The following SAE1 variants were observed in gnomAD, a reference collection of about 807,000 sequenced individuals.
SAE1 encodes SUMO1 activating enzyme subunit 1.
Under a neutral mutation model 40.6 loss-of-function variants are expected in SAE1, and 11 were observed. The ratio of observed to expected loss-of-function variants is 0.27; its 90% CI spans 0.17 to 0.45. The LOEUF is 0.45. Ranked by LOEUF, SAE1 falls within the 20% of genes least tolerant of loss-of-function variation. The pLI is 1.00. For synonymous variants in SAE1, 155 were observed against 154.3 expected (o/e 1.00, Z -0.03); for missense variants, 373 against 427.3 (o/e 0.87, Z 1.12).
In SAE1 at chr19:47,174,414, G is replaced by GAA. The variant is rs1412661363; in HGVS notation, c.733+4492_733+4493insAA. Among the ~76,000 whole-genome samples, 3 of 145,774 alleles carry GAA rather than the reference G, an allele frequency of 2.1e-5. No individual in the cohort carries two copies. In the East Asian group the frequency reaches 6.1e-4, roughly 30 times the overall value. On this transcript the variant is annotated intron_variant, in intron 6 of 8. Coordinates refer to ENST00000270225, the MANE Select transcript of SAE1 (RefSeq NM_005500.3). ...GTTTTATTTTATTTTGTTTTTTTCT[G>GAA]AGATGGAGTTTCGCTCTTGTTGACC...
chr19:47,201,875 C>G (rs962725205), intron 7 of SAE1, among the ~76,000 whole-genome samples: 9 of 152,106 alleles, frequency 5.9e-5, no homozygotes, highest in Admixed American at 5.9e-4. Context: ...TCAAATGATC[C>G]ACCCGCCTTG....
intron 7 of SAE1, among the ~76,000 whole-genome samples, chr19:47,197,650 T>C (rs911894945): frequency 6.6e-6 from 1 of 152,220 alleles, no homozygotes; most frequent in Non-Finnish European, 1.5e-5. Flanking sequence ...TCTACCTTTT[T>C]TCACTTTATG....
chr19:47,173,536 C>T (rs1047948056), intron 6 of SAE1, among the ~76,000 whole-genome samples: 1 of 152,110 alleles, frequency 6.6e-6, no homozygotes, highest in Non-Finnish European at 1.5e-5. Flanking sequence ...AGGATAAAAT[C>T]AGGATTTCCT....
intron 2 of SAE1, among the ~76,000 whole-genome samples, chr19:47,147,747 C>T (rs940026720): frequency 2.7e-5 from 4 of 150,008 alleles, no homozygotes; most frequent in Non-Finnish European, 4.5e-5. Flanking sequence ...GCCACCGTGC[C>T]CAGCCTCAAC....
chr19:47,193,120 C>CAAT (rs1252797045), intron 6 of SAE1, among the ~76,000 whole-genome samples: 1 of 149,518 alleles, frequency 6.7e-6, no homozygotes, highest in Non-Finnish European at 1.5e-5. Flanking sequence ...TGCAGTGGCA[C>CAAT]AATCTCGGCT....
Position 47,203,655 on chromosome 19 carries a change from T to C in SAE1, c.879-16T>C. On this transcript the variant is annotated splice_polypyrimidine_tract_variant and intron_variant, in intron 7 of 8. Coordinates refer to ENST00000270225, the MANE Select transcript of SAE1 (RefSeq NM_005500.3). ...TGTTCCCAGTGCTCCATTTTCCTTG[T>C]CTTCCTCTCTTTTAGGTACTGCTTC... 6.2e-7 allele frequency: 1 copy of C among 1,612,960 alleles called. No homozygotes were observed. Among genetic ancestry groups the C allele is most frequent in the Non-Finnish European group, 8.5e-7 (1 of 1,178,972 alleles).
At chr19:47,138,681 AAC>A (rs2058197799) in intron 1 of SAE1, among the ~76,000 whole-genome samples, 1 of 152,078 alleles carries the variant, frequency 6.6e-6, no homozygotes, top group Admixed American at 6.6e-5. Flanking sequence ...GGGGGCAGTA[AAC>A]ATATAAACAA....
At chr19:47,166,476 C>T (rs1013960415) in intron 5 of SAE1, among the ~76,000 whole-genome samples, 1 of 152,156 alleles carries the variant, frequency 6.6e-6, no homozygotes, top group African/African-American at 2.4e-5. Flanking sequence ...TATGGGTCTT[C>T]ATTCATACTC....
chr19:47,199,182 T>A (rs2123315022), intron 7 of SAE1, among the ~76,000 whole-genome samples: 1 of 151,824 alleles, frequency 6.6e-6, no homozygotes, highest in East Asian at 1.9e-4. Flanking sequence ...GTCAGGAGAT[T>A]GAGACCATCG....
intron 6 of SAE1, among the ~76,000 whole-genome samples, chr19:47,175,458 T>C (rs1016121813): frequency 2.6e-5 from 4 of 152,094 alleles, no homozygotes; most frequent in African/African-American, 4.8e-5. Context: ...ATCTGTAGTC[T>C]GGGCGCGGTG....
intron 1 of SAE1, among the ~76,000 whole-genome samples, chr19:47,141,126 C>T (rs769664486): frequency 7.2e-5 from 11 of 152,036 alleles, no homozygotes; most frequent in Admixed American, 1.3e-4. Context: ...CTCACTGTCC[C>T]GAGTAACTGG....
rs1600214874 is a variant in SAE1 at position 47,199,114 on chromosome 19, C to T, written c.878+1737C>T. ...AATACATATAGCGTAAGGCTGGGCG[C>T]GGTGGCTCACGCCTGTAATCCCAGC... On this transcript the variant is annotated intron_variant, in intron 7 of 8. Transcript: ENST00000270225. Among the ~76,000 whole-genome samples, 5 of 151,328 alleles carry T rather than the reference C, an allele frequency of 3.3e-5. No homozygotes were observed. The South Asian group carries it at 8.4e-4, about 25-fold the overall frequency.
intron 5 of SAE1, among the ~76,000 whole-genome samples, chr19:47,168,956 T>C (rs1399012314): frequency 6.6e-6 from 1 of 152,174 alleles, no homozygotes; most frequent in Non-Finnish European, 1.5e-5. Context: ...ATCAAGATAA[T>C]TTGATTGAGC....
intron 6 of SAE1, among the ~76,000 whole-genome samples, chr19:47,196,201 T>C (rs1452193665): frequency 1.3e-5 from 2 of 150,828 alleles, no homozygotes; most frequent in African/African-American, 4.9e-5. Flanking sequence ...GCCTGGCTAA[T>C]TTTTTTTATA....
Position 47,187,255 on chromosome 19 carries a change from T to C in SAE1, c.734-9978T>C, listed in dbSNP as rs549490420. Among the ~76,000 whole-genome samples the C allele has an allele frequency of 3.9e-5, 6 of 152,236 alleles. No homozygotes were observed. In the South Asian group the frequency reaches 8.3e-4, roughly 21 times the overall value. ...TCCTCCCCCAGCCCAGCTATGTCACTCCTCTGAGCTTCACACCTATGGACT... is the reference window on the plus strand; with the variant it reads ...TCCTCCCCCAGCCCAGCTATGTCACCCCTCTGAGCTTCACACCTATGGACT... On this transcript the variant is annotated intron_variant, in intron 6 of 8. Transcript: ENST00000270225.
intron 6 of SAE1, among the ~76,000 whole-genome samples, chr19:47,173,720 C>T (rs1433624940): frequency 6.6e-6 from 1 of 152,126 alleles, no homozygotes; most frequent in Non-Finnish European, 1.5e-5. Flanking sequence ...CCACATGTCC[C>T]CAGTTGAGAA....
chr19:47,182,496 T>TGTGTGTGTGTGTGTGTGTGTGC (rs143321323), intron 6 of SAE1, among the ~76,000 whole-genome samples: 1 of 145,938 alleles, frequency 6.9e-6, no homozygotes, highest in Non-Finnish European at 1.5e-5. Flanking sequence ...TGTGTGTGTG[T>TGTGTGTGTGTGTGTGTGTGTGC]GCGCGCACGC....
intron 5 of SAE1, among the ~76,000 whole-genome samples, chr19:47,164,948 G>A (rs183420455): frequency 6.3e-4 from 96 of 151,560 alleles, no homozygotes; most frequent in African/African-American, 2.1e-3. Flanking sequence ...CACAGTGCCC[G>A]GCTAATTTTT....
At chr19:47,161,582 G>A (rs2123232705) in intron 5 of SAE1, among the ~76,000 whole-genome samples, 1 of 152,170 alleles carries the variant, frequency 6.6e-6, no homozygotes, top group African/African-American at 2.4e-5. Flanking sequence ...TTTATCACGT[G>A]TTTATAAATC....
Sources: gnomAD v4.1 joint callset for allele counts (sites outside exome capture counted in the v4.1 genomes callset) on GRCh38, gnomAD v4.1.1 for gene constraint, MANE v1.5 for transcripts, NCBI Gene and HGNC (gene_info 2026-07-23, HGNC 2026-07-21) for gene names.